The following PEAR1 variants were observed in gnomAD, a reference collection of about 807,000 sequenced individuals.
PEAR1 encodes platelet endothelial aggregation receptor 1, also known as multiple EGF-like domains protein 12.
Under a neutral mutation model 131.2 loss-of-function variants are expected in PEAR1, and 113 were observed. The ratio of observed to expected loss-of-function variants is 0.86; its 90% CI spans 0.74 to 1.01. The LOEUF (loss-of-function observed/expected upper bound fraction) is 1.01, where lower values mean the gene tolerates loss of function less well. Ranked by LOEUF, PEAR1 falls within the 50% of genes least tolerant of loss-of-function variation. The pLI is 0.00. For synonymous variants in PEAR1, 565 were observed against 523.3 expected (o/e 1.08, Z -1.09); for missense variants, 1,408 against 1,391.1 (o/e 1.01, Z -0.19).
In PEAR1 at chr1:156,913,937, C is replaced by T. The variant is rs757413300; in HGVS notation, c.2799C>T (p.Ser933=). ...NPYATIRDLP[S]LPGGPRESSY... The stretch of plus-strand genomic sequence containing the variant: ...ATGCCACCATCCGGGACCTGCCCAG[C>T]TTGCCAGGGGGCCCCCGGGAGAGCA... The change falls in exon 22 of 23, where the codon AGC becomes AGT. Residue 933 remains serine (S), a synonymous_variant. Transcript: ENST00000292357. 2.5e-6 allele frequency: 4 copies of T among 1,613,954 alleles called. No individual in the cohort carries two copies. The East Asian group carries it at 8.9e-5, about 36-fold the overall frequency.
intron 1 of PEAR1, among the ~76,000 whole-genome samples, chr1:156,899,662 T>C (rs941946912): frequency 6.6e-6 from 1 of 152,182 alleles, no homozygotes; most frequent in Non-Finnish European, 1.5e-5. Flanking sequence ...AGACAGCTAA[T>C]GTTAACTGAG....
In PEAR1 at chr1:156,906,733, CT is replaced by C; in HGVS notation, c.499del (p.Ser167LeufsTer210). 1 of 1,614,236 alleles carries C rather than the reference CT, an allele frequency of 6.2e-7. No homozygotes were observed. The highest frequency in any genetic ancestry group is 8.5e-7 in the Non-Finnish European group (1 of 1,180,040). ...CCCAAGAGTGGGGTATGTTCTTGCCCTTCTGGTCTGCAGCCCCCGAACTGCC... is the reference window on the plus strand; with the variant it reads ...CCCAAGAGTGGGGTATGTTCTTGCCCTCTGGTCTGCAGCCCCCGAACTGCC... Reference protein sequence around the residue: ...CDPKSGVCSCPSGLQPPNCLQ... With the variant: ...CDPKSGVCSCXSGLQPPNCLQ... On this transcript the variant is annotated frameshift_variant, in exon 6 of 23. Coordinates refer to ENST00000292357, the MANE Select transcript of PEAR1 (RefSeq NM_001080471.3). LOFTEE classifies it high-confidence loss of function.
chr1:156,910,194 G>A, intron 13 of PEAR1, 40 bp from the exon 14 acceptor site: 2 of 1,611,488 alleles, frequency 1.2e-6, no homozygotes, highest in South Asian at 1.1e-5. Context: ...TGGAACTGAA[G>A]GGGGCCCAGC....
rs184558934 is a variant in PEAR1 at position 156,911,535 on chromosome 1, C to A, written c.1952-712C>A. On this transcript the variant is annotated intron_variant, in intron 15 of 22. Transcript: ENST00000292357. ...CTGACCTCAGGTGATCCATCCGCCT[C>A]AGGTGATCTTGGCTTCCCAAAGTGC... 4.9e-3 allele frequency among the ~76,000 whole-genome samples: 743 copies of A among 152,142 alleles called. 4 individuals carry two copies. Among genetic ancestry groups the A allele is most frequent in the Middle Eastern group, 0.017 (5 of 292 alleles).
chr1:156,905,083 G>GGA (rs1491192296), intron 3 of PEAR1: 1 of 599,594 alleles, frequency 1.7e-6, no homozygotes, highest in African/African-American at 4.3e-5. Context: ...CTGTGGGGTT[G>GGA]GGGGGGGGGC....
At chr1:156,910,570 T>C (rs528318064) in intron 14 of PEAR1, 48 bp from the exon 15 acceptor site, 6 of 1,606,856 alleles carry the variant, frequency 3.7e-6, no homozygotes, top group South Asian at 3.3e-5. Context: ...TAAGGGCTGA[T>C]TGAGGATTGG....
At chr1:156,898,389 G>A (rs1203148423) in intron 1 of PEAR1, among the ~76,000 whole-genome samples, 3 of 152,076 alleles carry the variant, frequency 2.0e-5, no homozygotes, top group East Asian at 1.9e-4. Flanking sequence ...AGCCTCTGGC[G>A]CACTCTGGCC....
chr1:156,914,040 C>A lies in PEAR1; in HGVS notation c.2902C>A (p.Arg968=). The change falls in exon 22 of 23, where the codon CGG becomes AGG. Residue 968 remains arginine, a synonymous_variant. Coordinates refer to ENST00000292357, the MANE Select transcript of PEAR1 (RefSeq NM_001080471.3). ...TCAGTTCTGGGACAGCCAGAGGCGG[C>A]GGCAACCCCAGCCACAGAGAGACAG... ...PPQFWDSQRR[R]QPQPQRDSGT... The A allele has an allele frequency of 6.2e-7, 1 of 1,608,642 alleles. No individual in the cohort carries two copies. The highest frequency in any genetic ancestry group is 8.5e-7 in the Non-Finnish European group (1 of 1,177,748).
At chr1:156,914,195 G>A (rs1651622191) in intron 22 of PEAR1, 95 bp downstream of exon 22, 2 of 1,453,798 alleles carry the variant, frequency 1.4e-6, no homozygotes, top group East Asian at 2.5e-5. Flanking sequence ...AAGGCATGAT[G>A]TGGCATCAAG....
At position 156,914,001 on chromosome 1, in the gene PEAR1, C is replaced by A; in HGVS notation, c.2863C>A (p.Pro955Thr). Residue 955 changes from proline (P) to threonine (T), a missense_variant, in exon 22 of 23, where the codon CCC becomes ACC. By Grantham distance (38) the Pro-to-Thr change is conservative. Coordinates refer to ENST00000292357, the MANE Select transcript of PEAR1 (RefSeq NM_001080471.3). The part of the protein sequence containing the change: ...EMKGPPSGSP[P>T]RQPPQFWDSQ... ...GAAAGGCCCTCCCTCAGGATCTCCC[C>A]CCAGGCAGCCTCCTCAGTTCTGGGA... The A allele has an allele frequency of 6.2e-7, 1 of 1,613,050 alleles. No homozygotes were observed. The highest frequency in any genetic ancestry group is 2.2e-5 in the East Asian group (1 of 44,828).
At chr1:156,894,214 T>G (rs868524365) in intron 1 of PEAR1, among the ~76,000 whole-genome samples, 97 of 152,198 alleles carry the variant, frequency 6.4e-4, no homozygotes, top group African/African-American at 2.3e-3. Flanking sequence ...GCAAGGGAAG[T>G]GTAGCCACAA....
At chr1:156,905,585 G>T (rs2644591) in intron 4 of PEAR1, among the ~76,000 whole-genome samples, 161 bp downstream of exon 4, 1 of 151,972 alleles carries the variant, frequency 6.6e-6, no homozygotes, top group African/African-American at 2.4e-5. Flanking sequence ...CCCCAGGATG[G>T]GGATCAGCAC....
In PEAR1 at chr1:156,902,934, C is replaced by T. The variant is rs945522131; in HGVS notation, c.-9-984C>T. On this transcript the variant is annotated intron_variant, in intron 1 of 22. Transcript: ENST00000292357. The surrounding 1 kb of genome is among the most constrained non-coding windows in gnomAD (Gnocchi z 4.3). ...CAGGGCAGTCTGAGGGAGGCGGGAG[C>T]TTTTCCTTAAATGCAAGGCCAGGTT... Among the ~76,000 whole-genome samples the T allele has an allele frequency of 3.9e-5, 6 of 152,052 alleles. No homozygotes were observed. The highest frequency in any genetic ancestry group is 1.5e-4 in the African/African-American group (6 of 41,376).
rs754037268 is a variant in PEAR1 at position 156,914,005 on chromosome 1, G to A, written c.2867G>A (p.Arg956Lys). Residue 956 changes from arginine (R) to lysine (K), a missense_variant, in exon 22 of 23, where the codon AGG becomes AAG. Transcript: ENST00000292357. The stretch of plus-strand genomic sequence containing the variant: ...GGCCCTCCCTCAGGATCTCCCCCCA[G>A]GCAGCCTCCTCAGTTCTGGGACAGC... The part of the protein sequence containing the change: ...MKGPPSGSPP[R>K]QPPQFWDSQR... 1.2e-6 allele frequency: 2 copies of A among 1,612,978 alleles called. No homozygotes were observed. Among genetic ancestry groups the A allele is most frequent in the Admixed American group, 3.3e-5 (2 of 59,896 alleles).
intron 1 of PEAR1, among the ~76,000 whole-genome samples, chr1:156,900,205 A>AGCCCAGCC (rs1471573311): frequency 6.6e-6 from 1 of 152,070 alleles, no homozygotes; most frequent in Non-Finnish European, 1.5e-5. Flanking sequence ...CCTGGCCAGG[A>AGCCCAGCC]GCCCAGCCGA....
At chr1:156,911,077 CTTTCTTTCTTTCTTTCCTTT>C (rs1651055942) in intron 15 of PEAR1, among the ~76,000 whole-genome samples, 2 of 65,336 alleles carry the variant, frequency 3.1e-5, no homozygotes, top group Admixed American at 1.8e-4. Flanking sequence ...TTCTTTCTTT[CTTTCTTTCTTTCTTTCCTTT>C]CTTTCTTTCT....
Position 156,912,880 on chromosome 1 carries a change from C to T in PEAR1, c.2320C>T (p.Leu774=), listed in dbSNP as rs1158736777. ...GTCCCTTGTGGTAGCCCTGGTGGCA[C>T]TGTTCATTGGCTATCGGCACTGGCA... The part of the protein sequence containing the change: ...LGSLVVALVA[L]FIGYRHWQKG... The change falls in exon 18 of 23, where the codon CTG becomes TTG. Residue 774 remains leucine, a synonymous_variant. Transcript: ENST00000292357. 3 of 1,614,108 alleles carry T rather than the reference C, an allele frequency of 1.9e-6. No individual in the cohort carries two copies. Among genetic ancestry groups the T allele is most frequent in the African/African-American group, 1.3e-5 (1 of 74,930 alleles).
rs975991077 is a variant in PEAR1 at position 156,914,341 on chromosome 1, C to T, written c.2962+241C>T. On this transcript the variant is annotated intron_variant, in intron 22 of 22. Coordinates refer to ENST00000292357, the MANE Select transcript of PEAR1 (RefSeq NM_001080471.3). ...GCAGAGCTCAGGATAGAAGTGGGGT[C>T]GTACAGCATCAGAGTGGTGGAGTTG... Among the ~76,000 whole-genome samples the T allele has an allele frequency of 3.3e-4, 50 of 152,074 alleles. 1 individual carries two copies. The highest frequency in any genetic ancestry group is 5.9e-5 in the Non-Finnish European group (4 of 68,012).
chr1:156,898,121 A>T (rs1649340312), intron 1 of PEAR1, among the ~76,000 whole-genome samples: 2 of 152,076 alleles, frequency 1.3e-5, no homozygotes, highest in African/African-American at 4.8e-5. Flanking sequence ...TTGGCAAGGC[A>T]TTTTACCTGA....
Sources: allele counts gnomAD v4.1 joint callset (sites outside exome capture counted in the v4.1 genomes callset), GRCh38; gene constraint gnomAD v4.1.1; non-coding constraint Gnocchi (gnomAD v3.1); transcripts MANE v1.5; gene names NCBI Gene and HGNC (gene_info 2026-07-23, HGNC 2026-07-21).